PARD3: variants seen among roughly 807,000 people sequenced by gnomAD.
PARD3 encodes partitioning defective 3 homolog.
In PARD3, 75 loss-of-function variants were observed where a neutral mutation model predicts 155.4. That is an observed-to-expected ratio of 0.48 (90% CI 0.40 to 0.58). The LOEUF is 0.58. PARD3 is among the 20% of genes least tolerant of loss of function. PARD3 has a pLI of 0.00. For missense variants in PARD3, 1,642 were observed against 1,721.7 expected (o/e 0.95, Z 0.82); for synonymous variants, 576 against 610.5 (o/e 0.94, Z 0.83).
chr10:34,795,465 C>T (rs376205428), intron 1 of PARD3, among the ~76,000 whole-genome samples: 1 of 151,784 alleles, frequency 6.6e-6, no homozygotes, highest in African/African-American at 2.4e-5. Flanking sequence ...CAAAAATTAG[C>T]CAGGCATGGT....
chr10:34,480,888 G>A (rs541913198), intron 3 of PARD3, among the ~76,000 whole-genome samples: 5 of 143,050 alleles, frequency 3.5e-5, no homozygotes, highest in East Asian at 4.4e-4. Context: ...TGCAACCTCC[G>A]CTTCTCAGGT....
At chr10:34,710,753 C>T (rs1297228701) in intron 1 of PARD3, among the ~76,000 whole-genome samples, 1 of 152,200 alleles carries the variant, frequency 6.6e-6, no homozygotes, top group Non-Finnish European at 1.5e-5. Context: ...AGAGAAGATG[C>T]TCAATAAATA....
intron 15 of PARD3, chr10:34,346,037 A>T: frequency 1.0e-6 from 1 of 985,414 alleles, no homozygotes; most frequent in Non-Finnish European, 1.2e-6. Flanking sequence ...CCTACCCTTA[A>T]ATAGTAACGC....
At chr10:34,285,122 T>A (rs1362172062) in intron 20 of PARD3, among the ~76,000 whole-genome samples, 1 of 152,228 alleles carries the variant, frequency 6.6e-6, no homozygotes. Context: ...GCAATCTTTG[T>A]CTGTAATGCA....
intron 22 of PARD3, among the ~76,000 whole-genome samples, chr10:34,253,530 T>G (rs1357015983): frequency 3.3e-5 from 5 of 152,228 alleles, no homozygotes; most frequent in African/African-American, 1.2e-4. Flanking sequence ...ATCTGGTTGC[T>G]ACCTTGGAGG....
chr10:34,675,693 C>T (rs767396238), intron 2 of PARD3: 2 of 195,664 alleles, frequency 1.0e-5, no homozygotes, highest in Non-Finnish European at 2.2e-5. Flanking sequence ...TTCCTTATAA[C>T]TTCCATAGTC....
In PARD3 at chr10:34,138,148, C is replaced by T. The variant is rs566229517; in HGVS notation, c.3420-6565G>A. Among the ~76,000 whole-genome samples the T allele has an allele frequency of 9.2e-4, 140 of 152,274 alleles. 1 individual carries two copies. Among genetic ancestry groups the T allele is most frequent in the Middle Eastern group, 6.8e-3 (2 of 294 alleles). On this transcript the variant is annotated intron_variant, in intron 22 of 24. Coordinates refer to ENST00000374788, the MANE Select transcript of PARD3 (RefSeq NM_001184785.2). ...AAAGACAGGCATCACATTTTACGAGCGAGTTTTACCATGATCATTCATAGA... is the reference window on the plus strand; with the variant it reads ...AAAGACAGGCATCACATTTTACGAGTGAGTTTTACCATGATCATTCATAGA...
At chr10:34,193,053 C>T (rs1179006822) in intron 22 of PARD3, among the ~76,000 whole-genome samples, 1 of 152,200 alleles carries the variant, frequency 6.6e-6, no homozygotes, top group African/African-American at 2.4e-5. Flanking sequence ...CTGCTAAGGA[C>T]AAGCTTCTCA....
intron 24 of PARD3, among the ~76,000 whole-genome samples, chr10:34,119,215 T>C (rs1036309679): frequency 6.6e-6 from 1 of 152,208 alleles, no homozygotes; most frequent in African/African-American, 2.4e-5. Flanking sequence ...GATCCTTTTA[T>C]GGAGCTCTGG....
At chr10:34,373,138 C>T (rs537885250) in intron 11 of PARD3, among the ~76,000 whole-genome samples, 14 of 152,090 alleles carry the variant, frequency 9.2e-5, no homozygotes, top group South Asian at 2.1e-4. Context: ...AAAATAGTTA[C>T]GTCTACTGGA....
At chr10:34,254,911 CAA>C (rs1437001841) in intron 22 of PARD3, among the ~76,000 whole-genome samples, 5 of 152,026 alleles carry the variant, frequency 3.3e-5, no homozygotes, top group Admixed American at 2.6e-4. Context: ...TGGGCTTGTG[CAA>C]AGACTTTAAA....
chr10:34,573,735 AAACACACACAC>A (rs1564367905), intron 2 of PARD3, among the ~76,000 whole-genome samples: 38 of 12,286 alleles, frequency 3.1e-3, no homozygotes, highest in Middle Eastern at 0.1. Flanking sequence ...AAACAAACAA[AAACACACACAC>A]ACACACACAC....
chr10:34,521,433 C>T (rs2082143129), intron 2 of PARD3, among the ~76,000 whole-genome samples: 1 of 150,812 alleles, frequency 6.6e-6, no homozygotes, highest in African/African-American at 2.4e-5. Flanking sequence ...CTCCATCATG[C>T]CCTTCAAAAA....
chr10:34,722,506 C>T (rs117684813), intron 1 of PARD3, among the ~76,000 whole-genome samples: 159 of 152,270 alleles, frequency 1.0e-3, no homozygotes, highest in Non-Finnish European at 1.9e-3. Context: ...AAGAACCAGC[C>T]TGGCCACTTA....
chr10:34,781,009 T>C (rs1840173109), intron 1 of PARD3, among the ~76,000 whole-genome samples: 1 of 152,218 alleles, frequency 6.6e-6, no homozygotes, highest in South Asian at 2.1e-4. Flanking sequence ...CCGCTTACTT[T>C]GTACTTTCCT....
rs77290037 is a variant in PARD3 at position 34,788,118 on chromosome 10, G to A, written c.120+26758C>T. Among the ~76,000 whole-genome samples, 430 of 152,120 alleles carry A rather than the reference G, an allele frequency of 2.8e-3. 1 individual carries two copies. Among genetic ancestry groups the A allele is most frequent in the African/African-American group, 9.6e-3 (400 of 41,494 alleles). On this transcript the variant is annotated intron_variant, in intron 1 of 24. Transcript: ENST00000374788. ...CATTTATAAAGCACAAATGGGACAG[G>A]CTCATGCAAGGGTCTTACAAGACCA...
At chr10:34,115,817 AT>A (rs1454761291) in intron 24 of PARD3, among the ~76,000 whole-genome samples, 1 of 149,920 alleles carries the variant, frequency 6.7e-6, no homozygotes, top group Non-Finnish European at 1.5e-5. Flanking sequence ...GGTTCACACC[AT>A]TCTCCTGCCT....
At chr10:34,414,410 C>CA (rs1845445463) in intron 5 of PARD3, among the ~76,000 whole-genome samples, 3 of 152,168 alleles carry the variant, frequency 2.0e-5, no homozygotes, top group Non-Finnish European at 2.9e-5. Context: ...AAGGAACACT[C>CA]AGTCGGCCTT....
chr10:34,688,412 C>T lies in PARD3; in HGVS notation c.222+7906G>A, dbSNP rs114135778. 2.8e-3 allele frequency among the ~76,000 whole-genome samples: 430 copies of T among 152,272 alleles called. 1 individual carries two copies. The highest frequency in any genetic ancestry group is 0.01 in the African/African-American group (416 of 41,550). On this transcript the variant is annotated intron_variant, in intron 2 of 24. Coordinates refer to ENST00000374788, the MANE Select transcript of PARD3 (RefSeq NM_001184785.2). ...ATACAGCTTGTCCATCAGGAAAGTT[C>T]ACGTACACAAACGCATGACAGCTGC...
Sources: gnomAD v4.1 joint callset for allele counts (sites outside exome capture counted in the v4.1 genomes callset) on GRCh38, gnomAD v4.1.1 for gene constraint, MANE v1.5 for transcripts, NCBI Gene and HGNC (gene_info 2026-07-23, HGNC 2026-07-21) for gene names.